STARD13: variants seen among roughly 807,000 people sequenced by gnomAD.
The protein encoded by STARD13 is StAR related lipid transfer domain containing 13.
A neutral mutation model predicts 106.4 loss-of-function variants in STARD13; 62 were observed. That is an observed-to-expected ratio of 0.58 (90% CI 0.48 to 0.72). The LOEUF is 0.72. Among genes scored for constraint, STARD13 ranks in the 30% least tolerant of loss-of-function variants. The pLI is 0.00. For synonymous variants in STARD13, 565 were observed against 553.0 expected, an observed-to-expected ratio of 1.02 and a Z score of -0.31; for missense variants, 1,387 against 1,424.0, an observed-to-expected ratio of 0.97 and a Z score of 0.42.
the STARD13 span, among the ~76,000 whole-genome samples, chr13:33,519,415 C>T: frequency 6.6e-6 from 1 of 150,694 alleles, no homozygotes; most frequent in South Asian, 2.1e-4. Flanking sequence ...GTCTTGAACT[C>T]CTGACCTCAA....
chr13:33,669,559 A>G, the STARD13 span, among the ~76,000 whole-genome samples: 2 of 137,994 alleles, frequency 1.4e-5, no homozygotes, highest in South Asian at 2.3e-4. Flanking sequence ...TTTTTGAGAC[A>G]GAATCTCACT....
the STARD13 span, among the ~76,000 whole-genome samples, chr13:33,574,287 C>CTT: frequency 6.6e-6 from 1 of 152,192 alleles, no homozygotes; most frequent in Non-Finnish European, 1.5e-5. Flanking sequence ...AATCGACAAA[C>CTT]TTTTTAACAC....
the STARD13 span, among the ~76,000 whole-genome samples, chr13:33,673,070 T>G: frequency 6.6e-6 from 1 of 152,206 alleles, no homozygotes. Context: ...AGCTAAGCAC[T>G]GACAAATGAA....
the STARD13 span, among the ~76,000 whole-genome samples, chr13:33,418,892 C>G: frequency 3.3e-5 from 5 of 152,184 alleles, no homozygotes; most frequent in Non-Finnish European, 7.3e-5. Flanking sequence ...AGAAGGAAAA[C>G]TAACAAACAG....
At chr13:33,114,258 A>G (rs1875038826) in intron 8 of STARD13, among the ~76,000 whole-genome samples, 1 of 152,158 alleles carries the variant, frequency 6.6e-6, no homozygotes, top group South Asian at 2.1e-4. Flanking sequence ...CTGAGGTGTG[A>G]CCTTCTGAGG....
the STARD13 span, among the ~76,000 whole-genome samples, chr13:33,557,658 T>G: frequency 4.6e-5 from 7 of 152,208 alleles, no homozygotes; most frequent in African/African-American, 1.4e-4. Flanking sequence ...TTAACTGTTT[T>G]TATTGCTTAC....
intron 12 of STARD13, among the ~76,000 whole-genome samples, chr13:33,109,224 G>C (rs1038442919): frequency 6.6e-6 from 1 of 152,038 alleles, no homozygotes; most frequent in Non-Finnish European, 1.5e-5. Context: ...TTCTGTTCTG[G>C]CTGATGCAAC....
At chr13:33,286,983 T>C (rs1892091377), upstream of STARD13, among the ~76,000 whole-genome samples, 1 of 152,118 alleles carries the variant, frequency 6.6e-6, no homozygotes, top group African/African-American at 2.4e-5. Flanking sequence ...TTCTTTAACA[T>C]TGTTTGATGT....
chr13:33,188,536 T>A (rs190323060), intron 1 of STARD13, among the ~76,000 whole-genome samples: 167 of 152,310 alleles, frequency 1.1e-3, no homozygotes, highest in Non-Finnish European at 6.6e-4. Context: ...TAAATATCAC[T>A]CACAAACTCT....
the STARD13 span, among the ~76,000 whole-genome samples, chr13:33,547,483 CA>C: frequency 6.6e-6 from 1 of 151,986 alleles, no homozygotes; most frequent in Non-Finnish European, 1.5e-5. Context: ...AAAATTACAG[CA>C]AAACATAGGG....
At chr13:33,305,104 C>T (rs1294818077) in intron 1 of STARD13, among the ~76,000 whole-genome samples, 1 of 152,200 alleles carries the variant, frequency 6.6e-6, no homozygotes, top group East Asian at 1.9e-4. Flanking sequence ...GTTGCCCAGG[C>T]TAGTCTTGAA....
the STARD13 span, chr13:33,657,585 G>C: frequency 6.6e-6 from 1 of 152,168 alleles, no homozygotes. Context: ...GACATGTTTG[G>C]GATGAATTAT....
At chr13:33,450,657 T>A in the STARD13 span, among the ~76,000 whole-genome samples, 1 of 152,182 alleles carries the variant, frequency 6.6e-6, no homozygotes, top group Non-Finnish European at 1.5e-5. Flanking sequence ...TTTGTTTAGA[T>A]ATACAAGACA....
chr13:33,622,657 C>T, the STARD13 span, among the ~76,000 whole-genome samples: 1 of 137,002 alleles, frequency 7.3e-6, no homozygotes, highest in African/African-American at 2.7e-5. Context: ...CGTGGTGGCT[C>T]AAGCCTGTAC....
chr13:33,633,766 G>A, the STARD13 span, among the ~76,000 whole-genome samples: 2 of 152,100 alleles, frequency 1.3e-5, no homozygotes, highest in African/African-American at 4.8e-5. Flanking sequence ...TGGTTTCTAA[G>A]GTCACAAGGA....
the STARD13 span, among the ~76,000 whole-genome samples, chr13:33,626,056 C>T: frequency 1.2e-4 from 18 of 152,142 alleles, no homozygotes; most frequent in African/African-American, 4.3e-4. Flanking sequence ...TTCTGCCTCT[C>T]ATGAATGTAA....
intron 8 of STARD13, among the ~76,000 whole-genome samples, chr13:33,116,224 T>C (rs995984912): frequency 3.9e-5 from 6 of 152,254 alleles, no homozygotes; most frequent in Non-Finnish European, 8.8e-5. Flanking sequence ...TCCTGACTTC[T>C]GCTTATGCTA....
the STARD13 span, among the ~76,000 whole-genome samples, chr13:33,408,088 A>G: frequency 6.6e-6 from 1 of 151,880 alleles, no homozygotes; most frequent in Non-Finnish European, 1.5e-5. Flanking sequence ...CCTGTGCCTT[A>G]CTTCTGTGTG....
chr13:33,186,098 G>C (rs1030541558), intron 1 of STARD13: 4 of 1,556,868 alleles, frequency 2.6e-6, no homozygotes, highest in Non-Finnish European at 3.5e-6. Flanking sequence ...CAGTGGAGAG[G>C]AACCTCACTG....
Sources: gnomAD v4.1 joint callset for allele counts (sites outside exome capture counted in the v4.1 genomes callset) on GRCh38, gnomAD v4.1.1 for gene constraint, MANE v1.5 for transcripts, NCBI Gene and HGNC (gene_info 2026-07-23, HGNC 2026-07-21) for gene names.